ADGRL3: variants seen among roughly 807,000 people sequenced by gnomAD.
ADGRL3 encodes adhesion G protein-coupled receptor L3, also known as calcium-independent alpha-latrotoxin receptor 3.
A neutral mutation model predicts 153.5 loss-of-function variants in ADGRL3; 62 were observed. The observed-to-expected ratio is 0.40, with a 90% confidence interval of 0.33 to 0.50. The LOEUF (loss-of-function observed/expected upper bound fraction) is 0.50. Ranked by LOEUF, ADGRL3 falls within the 20% of genes least tolerant of loss-of-function variation. The pLI is 0.47. For missense variants in ADGRL3, 1,641 were observed against 1,859.4 expected, an observed-to-expected ratio of 0.88 and a Z score of 2.16; for synonymous variants, 710 against 672.5, an observed-to-expected ratio of 1.06 and a Z score of -0.86.
intron 2 of ADGRL3, among the ~76,000 whole-genome samples, chr4:61,463,204 C>T (rs907789999): frequency 3.9e-5 from 6 of 152,058 alleles, no homozygotes; most frequent in African/African-American, 7.2e-5. Flanking sequence ...TCAAATTTCA[C>T]GGAATAGCCT....
In ADGRL3 at chr4:61,948,088, T is replaced by A; in HGVS notation, c.2629-12T>A. 6.3e-7 allele frequency: 1 copy of A among 1,594,802 alleles called. No homozygotes were observed. The highest frequency in any genetic ancestry group is 8.6e-7 in the Non-Finnish European group (1 of 1,169,538). On this transcript the variant is annotated splice_polypyrimidine_tract_variant and intron_variant, in intron 16 of 26. Coordinates refer to ENST00000683033, the MANE Select transcript of ADGRL3 (RefSeq NM_001387552.1). ...GTAGTTGTTGATTTTATGGATTTTT[T>A]TTCCCCTGTAGCAGTCAGAGGAAAA...
At chr4:61,907,341 C>A (rs2149787067) in intron 11 of ADGRL3, among the ~76,000 whole-genome samples, 1 of 152,198 alleles carries the variant, frequency 6.6e-6, no homozygotes, top group African/African-American at 2.4e-5. Context: ...TCACGGCAAC[C>A]TCCACCTCCT....
intron 1 of ADGRL3, among the ~76,000 whole-genome samples, chr4:61,251,887 T>TC (rs1759438977): frequency 6.0e-5 from 9 of 148,968 alleles, no homozygotes; most frequent in African/African-American, 1.5e-4. Context: ...TTAATTTTTT[T>TC]ATTTTTTTTT....
chr4:61,987,256 C>T (rs2099089076), intron 19 of ADGRL3, among the ~76,000 whole-genome samples: 1 of 151,888 alleles, frequency 6.6e-6, no homozygotes, highest in Non-Finnish European at 1.5e-5. Context: ...ACCCCTGCCA[C>T]CCGGGTTCAA....
At chr4:61,551,198 G>C (rs1240182725) in intron 4 of ADGRL3, among the ~76,000 whole-genome samples, 1 of 152,102 alleles carries the variant, frequency 6.6e-6, no homozygotes, top group African/African-American at 2.4e-5. Flanking sequence ...TGAGACAAGT[G>C]TAATCGCAAT....
intron 5 of ADGRL3, among the ~76,000 whole-genome samples, chr4:61,615,965 TCA>T (rs1179742256): frequency 2.0e-5 from 3 of 152,064 alleles, no homozygotes; most frequent in Admixed American, 1.3e-4. Context: ...AGTTTGCCTC[TCA>T]CAGTCTAAGA....
At chr4:61,988,003 T>G (rs1488327885) in intron 19 of ADGRL3, among the ~76,000 whole-genome samples, 1 of 152,112 alleles carries the variant, frequency 6.6e-6, no homozygotes, top group African/African-American at 2.4e-5. Flanking sequence ...GAGATAAAAT[T>G]GTTTCGTAGG....
intron 23 of ADGRL3, among the ~76,000 whole-genome samples, chr4:62,033,700 ATT>A (rs967760573): frequency 1.3e-5 from 2 of 151,854 alleles, no homozygotes; most frequent in African/African-American, 4.8e-5. Flanking sequence ...ATATTAGGTC[ATT>A]ATGATCAGTC....
rs149940196 is a variant in ADGRL3 at position 61,637,317 on chromosome 4, G to A, written c.474-39509G>A. On this transcript the variant is annotated intron_variant, in intron 5 of 26. Transcript: ENST00000683033. ...TAGAAAACCATGTGAAAATGAAAGC[G>A]GAGACCGGGCTCATGCAGCAGAAGC... Among the ~76,000 whole-genome samples, 342 of 152,194 alleles carry A rather than the reference G, an allele frequency of 2.2e-3. 3 individuals are homozygous for A. Among genetic ancestry groups the A allele is most frequent in the African/African-American group, 7.9e-3 (330 of 41,516 alleles).
At chr4:61,359,899 G>A (rs2096256129) in intron 1 of ADGRL3, among the ~76,000 whole-genome samples, 1 of 152,164 alleles carries the variant, frequency 6.6e-6, no homozygotes, top group East Asian at 1.9e-4. Flanking sequence ...TACATATTCA[G>A]CTCATAGGAA....
intron 13 of ADGRL3, among the ~76,000 whole-genome samples, chr4:61,913,375 G>T (rs1019220053): frequency 1.3e-5 from 2 of 152,102 alleles, no homozygotes; most frequent in African/African-American, 4.8e-5. Context: ...AACCTTAGAA[G>T]CAAGCTCTCT....
chr4:61,333,599 TTTC>T (rs1308156132), intron 1 of ADGRL3, among the ~76,000 whole-genome samples: 1 of 152,076 alleles, frequency 6.6e-6, no homozygotes, highest in East Asian at 1.9e-4. Flanking sequence ...TGTATTTTTT[TTTC>T]TTTTGTTTTT....
chr4:61,412,952 A>G (rs188594788), intron 2 of ADGRL3, among the ~76,000 whole-genome samples: 1 of 152,146 alleles, frequency 6.6e-6, no homozygotes, highest in Non-Finnish European at 1.5e-5. Context: ...TAAGTTTGAC[A>G]TGTTCCTGGT....
At chr4:61,569,331 T>C (rs1034098315) in intron 4 of ADGRL3, among the ~76,000 whole-genome samples, 5 of 152,294 alleles carry the variant, frequency 3.3e-5, no homozygotes, top group African/African-American at 9.6e-5. Flanking sequence ...GGTTTTATAG[T>C]ATATTTATAC....
At chr4:62,015,725 G>T (rs1466774711) in intron 21 of ADGRL3, among the ~76,000 whole-genome samples, 1 of 151,920 alleles carries the variant, frequency 6.6e-6, no homozygotes, top group Non-Finnish European at 1.5e-5. Flanking sequence ...GTTTCTACTA[G>T]ATTTTCTCTC....
chr4:61,603,303 C>A (rs965517943), intron 5 of ADGRL3, among the ~76,000 whole-genome samples: 2 of 152,070 alleles, frequency 1.3e-5, no homozygotes, highest in Non-Finnish European at 2.9e-5. Flanking sequence ...TTTAACTTAG[C>A]GGGCTAAATT....
chr4:61,426,523 C>A (rs2152381620), intron 2 of ADGRL3, among the ~76,000 whole-genome samples: 1 of 152,192 alleles, frequency 6.6e-6, no homozygotes, highest in African/African-American at 2.4e-5. Context: ...CCATAGCCGT[C>A]TATGTATGCA....
intron 25 of ADGRL3, among the ~76,000 whole-genome samples, chr4:62,054,795 A>G (rs1020554890): frequency 2.6e-5 from 4 of 151,678 alleles, no homozygotes; most frequent in South Asian, 2.1e-4. Flanking sequence ...CAACTGCCCA[A>G]TAGAAATGTG....
At chr4:61,221,803 C>T (rs750846517) in intron 1 of ADGRL3, among the ~76,000 whole-genome samples, 4 of 152,004 alleles carry the variant, frequency 2.6e-5, no homozygotes, top group East Asian at 1.9e-4. Flanking sequence ...CCAGATGTTG[C>T]AAAGTTGTTA....
Sources: allele counts gnomAD v4.1 joint callset (sites outside exome capture counted in the v4.1 genomes callset), GRCh38; gene constraint gnomAD v4.1.1; transcripts MANE v1.5; gene names NCBI Gene and HGNC (gene_info 2026-07-23, HGNC 2026-07-21).